Variants in ETV1 observed in about 807,000 individuals in gnomAD.
ETV1 encodes the protein ETS translocation variant 1.
Under a neutral mutation model 62.3 loss-of-function variants are expected in ETV1, and 27 were observed. The ratio of observed to expected loss-of-function variants is 0.43; its 90% CI spans 0.32 to 0.60. The LOEUF is 0.60. Among genes scored for constraint, ETV1 ranks in the 20% least tolerant of loss-of-function variants. The probability of loss-of-function intolerance (pLI) is 0.06; values close to 1 mark genes in which losing one functional copy is unlikely to be tolerated. For synonymous variants in ETV1, 222 were observed against 199.6 expected (o/e 1.11, Z -0.94); for missense variants, 605 against 605.8 (o/e 1.00, Z 0.01).
chr7:13,986,439 T>C lies in ETV1; in HGVS notation c.181+199A>G, dbSNP rs545873423. On this transcript the variant is annotated intron_variant, in intron 5 of 13. Coordinates refer to ENST00000430479, the MANE Select transcript of ETV1 (RefSeq NM_004956.5). ...AGCTGGAAGCAATTTCTCCTGGTAA[T>C]TTGTGATGACACTGGGTAGTACAGC... is the stretch of plus-strand genomic sequence containing the variant. The C allele has an allele frequency of 2.9e-5, 44 of 1,492,392 alleles. 1 individual carries two copies. In the South Asian group the frequency reaches 5.7e-4, roughly 19 times the overall value. The allele number at this position is 1,492,392 out of a possible 1,614,324, so 92.4% of individuals were successfully genotyped here.
At chr7:13,956,880 T>C (rs993765422) in intron 6 of ETV1, among the ~76,000 whole-genome samples, 70 of 152,210 alleles carry the variant, frequency 4.6e-4, no homozygotes, top group African/African-American at 1.6e-3. Context: ...CTAATTTCTG[T>C]GGATTAATAA....
upstream of ETV1, among the ~76,000 whole-genome samples, chr7:13,990,156 C>T (rs1052156446): frequency 2.6e-5 from 4 of 152,178 alleles, no homozygotes; most frequent in African/African-American, 9.7e-5. Flanking sequence ...CGCTCTCTAT[C>T]CTCATTCCCA....
At position 13,989,261 on chromosome 7, in the gene ETV1, C is replaced by T; in HGVS notation, c.-88+7G>A. 1 of 554,094 alleles carries T rather than the reference C, an allele frequency of 1.8e-6. No individual in the cohort carries two copies. The highest frequency in any genetic ancestry group is 2.4e-5 in the South Asian group (1 of 40,984). The allele number at this position is 554,094 out of a possible 1,614,324, so 34.3% of individuals were successfully genotyped here. On this transcript the variant is annotated splice_region_variant and intron_variant, in intron 2 of 13. Coordinates refer to ENST00000430479, the MANE Select transcript of ETV1 (RefSeq NM_004956.5). Reference sequence around the variant, plus strand: ...AAAAATAACCCTCCCTACACCGCCTCCTTCACCTGGATCCAAAGAGAGCCA... The same window carrying T: ...AAAAATAACCCTCCCTACACCGCCTTCTTCACCTGGATCCAAAGAGAGCCA...
At chr7:13,990,120 C>T (rs879845452), upstream of ETV1, among the ~76,000 whole-genome samples, 3 of 152,174 alleles carry the variant, frequency 2.0e-5, no homozygotes, top group Admixed American at 6.5e-5. Context: ...AACCTCTCTA[C>T]TCTTGCCCTG....
intron 9 of ETV1, among the ~76,000 whole-genome samples, chr7:13,916,195 T>C (rs527449349): frequency 1.3e-5 from 2 of 152,306 alleles, no homozygotes; most frequent in South Asian, 4.1e-4. Context: ...ACTGTGAATA[T>C]AAATAATGTA....
At chr7:13,930,853 T>G (rs376151969) in intron 9 of ETV1, among the ~76,000 whole-genome samples, 4 of 151,926 alleles carry the variant, frequency 2.6e-5, no homozygotes, top group South Asian at 2.1e-4. Flanking sequence ...CAGGCTGGAG[T>G]GCAGTGGTGC....
intron 6 of ETV1, among the ~76,000 whole-genome samples, chr7:13,972,093 C>G (rs1230693191): frequency 6.6e-6 from 1 of 150,898 alleles, no homozygotes; most frequent in Non-Finnish European, 1.5e-5. Flanking sequence ...CTGGATGATA[C>G]AGCGAGACTC....
At chr7:13,908,853 G>A (rs779327038) in intron 11 of ETV1, among the ~76,000 whole-genome samples, 9 of 151,954 alleles carry the variant, frequency 5.9e-5, no homozygotes, top group Admixed American at 2.6e-4. Flanking sequence ...GAATCACAGG[G>A]CCCCTGCTGG....
chr7:13,926,153 T>C (rs1785403259), intron 9 of ETV1, among the ~76,000 whole-genome samples: 1 of 152,200 alleles, frequency 6.6e-6, no homozygotes, highest in Admixed American at 6.5e-5. Context: ...TCACCTATTA[T>C]ATATTTTTAA....
intron 6 of ETV1, among the ~76,000 whole-genome samples, chr7:13,960,406 A>G (rs1002656147): frequency 3.9e-5 from 6 of 152,184 alleles, no homozygotes; most frequent in African/African-American, 7.2e-5. Context: ...GAGTTATTCA[A>G]TACTCATCTA....
At chr7:13,902,569 A>G (rs1245772061) in intron 12 of ETV1, among the ~76,000 whole-genome samples, 2 of 152,190 alleles carry the variant, frequency 1.3e-5, no homozygotes, top group Non-Finnish European at 2.9e-5. Flanking sequence ...TTTCTAAAGA[A>G]TATTTCATTC....
At position 13,893,281 on chromosome 7, in the gene ETV1, A is replaced by G. The variant is rs73068138; in HGVS notation, c.*2585T>C. The G allele has an allele frequency of 0.041, 9,567 of 232,286 alleles. 254 individuals are homozygous for G. Among genetic ancestry groups the G allele is most frequent in the Non-Finnish European group, 0.06 (7,025 of 117,464 alleles). The allele number at this position is 232,286 out of a possible 1,614,324, so 14.4% of individuals were successfully genotyped here. A position where few individuals can be genotyped will look rare whatever the true frequency, so the allele number is the denominator to read the frequency against. Reference sequence around the variant, plus strand: ...AAAACACAAGAATCTTGCAGAAATCAGCTGCCAGATTTATTAATCTACCTG... The same window carrying G: ...AAAACACAAGAATCTTGCAGAAATCGGCTGCCAGATTTATTAATCTACCTG... On this transcript the variant is annotated 3_prime_UTR_variant, in exon 14 of 14. Transcript: ENST00000430479.
At chr7:13,907,277 G>A (rs982837177) in intron 11 of ETV1, among the ~76,000 whole-genome samples, 2 of 151,910 alleles carry the variant, frequency 1.3e-5, no homozygotes, top group African/African-American at 4.8e-5. Flanking sequence ...TTTTCAACTG[G>A]TAACAAAAAT....
At chr7:13,914,167 G>C (rs369400577) in intron 9 of ETV1, among the ~76,000 whole-genome samples, 4 of 151,534 alleles carry the variant, frequency 2.6e-5, no homozygotes, top group Non-Finnish European at 4.4e-5. Context: ...TTACAGGCAT[G>C]AGTCACCGCG....
intron 5 of ETV1, among the ~76,000 whole-genome samples, chr7:13,981,518 TACATACATAC>T (rs771910722): frequency 6.7e-5 from 9 of 134,934 alleles, no homozygotes; most frequent in Non-Finnish European, 9.5e-5. Context: ...CATACATACA[TACATACATAC>T]ATACATATAT....
chr7:13,990,655 C>T (rs1782961686), upstream of ETV1: 2 of 152,236 alleles, frequency 1.3e-5, no homozygotes, highest in South Asian at 2.1e-4. Flanking sequence ...ATAACTAGGA[C>T]GTTAAGCAGT....
Position 13,903,829 on chromosome 7 carries a change from T to C in ETV1, c.1110+2601A>G, listed in dbSNP as rs139265327. Among the ~76,000 whole-genome samples the C allele has an allele frequency of 8.8e-3, 1,319 of 150,432 alleles. 15 individuals carry two copies. Among genetic ancestry groups the C allele is most frequent in the African/African-American group, 0.028 (1,133 of 40,916 alleles). On this transcript the variant is annotated intron_variant, in intron 12 of 13. Transcript: ENST00000430479. ...CTAGGAGACATGACTAATTCAAAAA[T>C]AGTATTTCATTATCTCAAATATCTA...
intron 5 of ETV1, chr7:13,986,369 G>C (rs1782551474): frequency 5.4e-6 from 8 of 1,488,102 alleles, no homozygotes; most frequent in Middle Eastern, 1.8e-4. Flanking sequence ...CTTAGAACTT[G>C]AAGTCTTGGT....
At chr7:13,969,702 C>T (rs1352432727) in intron 6 of ETV1, among the ~76,000 whole-genome samples, 4 of 152,110 alleles carry the variant, frequency 2.6e-5, no homozygotes, top group Non-Finnish European at 5.9e-5. Flanking sequence ...GGTCTGAATA[C>T]GGACTGAAGT....
Sources: allele counts gnomAD v4.1 joint callset (sites outside exome capture counted in the v4.1 genomes callset), GRCh38; gene constraint gnomAD v4.1.1; transcripts MANE v1.5; gene names NCBI Gene and HGNC (gene_info 2026-07-23, HGNC 2026-07-21).